RNF130: variants seen among roughly 807,000 people sequenced by gnomAD.
RNF130 encodes ring finger protein 130, also known as E3 ubiquitin-protein ligase RNF130.
RNF130 carries 21 observed loss-of-function variants against 44.6 expected under a neutral mutation model. The ratio of observed to expected loss-of-function variants is 0.47; its 90% CI spans 0.33 to 0.68. The LOEUF is 0.68. Among genes scored for constraint, RNF130 ranks in the 30% least tolerant of loss-of-function variants. The pLI, the probability that RNF130 is intolerant of heterozygous loss-of-function variation, is 0.02. For missense variants in RNF130, 479 were observed against 560.6 expected (o/e 0.85, Z 1.47); for synonymous variants, 214 against 210.4 (o/e 1.02, Z -0.15).
chr5:179,980,431 C>T, intron 3 of RNF130: 1 of 463,276 alleles, frequency 2.2e-6, no homozygotes, highest in Non-Finnish European at 3.9e-6. Context: ...AAATATAGAA[C>T]TATAGGTCTT....
At chr5:180,061,234 GA>G (rs1456449871) in intron 1 of RNF130, among the ~76,000 whole-genome samples, 3 of 152,106 alleles carry the variant, frequency 2.0e-5, no homozygotes. Context: ...GAAAACACTG[GA>G]AGTTTAATCA....
chr5:179,952,079 T>G (rs1354748066), downstream of RNF130, among the ~76,000 whole-genome samples: 1 of 152,142 alleles, frequency 6.6e-6, no homozygotes, highest in African/African-American at 2.4e-5. Flanking sequence ...AAGCCTGTAA[T>G]CTTACCACTT....
At chr5:179,913,346 G>T (rs1044275525) in exon 8 of RNF130, 1 of 150,658 alleles carries the variant, frequency 6.6e-6, no homozygotes, top group Admixed American at 6.6e-5. Flanking sequence ...GTTGCAGGAC[G>T]TTCAAAGGTG....
intron 3 of RNF130, among the ~76,000 whole-genome samples, chr5:180,007,255 G>A (rs917261558): frequency 6.6e-6 from 1 of 152,078 alleles, no homozygotes; most frequent in Non-Finnish European, 1.5e-5. Context: ...ACAAAAATTA[G>A]CCAGGCATGG....
At chr5:180,017,815 G>A (rs757075852) in intron 2 of RNF130, among the ~76,000 whole-genome samples, 77 of 152,174 alleles carry the variant, frequency 5.1e-4, no homozygotes, top group Admixed American at 1.5e-3. Context: ...CTCCGGAATC[G>A]GAGGGTCTAG....
At chr5:179,980,893 C>G (rs1388524333) in intron 3 of RNF130, among the ~76,000 whole-genome samples, 1 of 152,168 alleles carries the variant, frequency 6.6e-6, no homozygotes, top group East Asian at 1.9e-4. Context: ...GATGGTGATC[C>G]CTACCCTGGA....
chr5:180,071,469 C>G lies in RNF130; in HGVS notation c.234G>C (p.Leu78=). ...GCCGGCACTCACCTCCGTGGAGGGGCAGCGGCGCCAGCACCTGGCCGCGGA... is the reference window on the plus strand; with the variant it reads ...GCCGGCACTCACCTCCGTGGAGGGGGAGCGGCGCCAGCACCTGGCCGCGGA... The part of the protein sequence containing the change: ...AEVRGQVLAP[L]PLHGVADHLG... Residue 78 remains leucine (L), a synonymous_variant, in exon 1 of 9, where the codon CTG becomes CTC. Coordinates refer to ENST00000521389, the MANE Select transcript of RNF130 (RefSeq NM_018434.6). 4 of 1,245,866 alleles carry G rather than the reference C, an allele frequency of 3.2e-6. No homozygotes were observed. Among genetic ancestry groups the G allele is most frequent in the Non-Finnish European group, 3.0e-6 (3 of 993,232 alleles). 77.2% of individuals were successfully genotyped at this position (1,245,866 alleles called of 1,614,324 possible). A position where few individuals can be genotyped will look rare whatever the true frequency, so the allele number is the denominator to read the frequency against.
intron 8 of RNF130, among the ~76,000 whole-genome samples, chr5:179,962,014 A>G (rs527442468): frequency 2.0e-5 from 3 of 152,346 alleles, no homozygotes; most frequent in Admixed American, 6.5e-5. Context: ...GAATGACTAC[A>G]AGGAGCTTCA....
At chr5:180,041,177 T>G (rs961635396) in intron 1 of RNF130, among the ~76,000 whole-genome samples, 4 of 152,240 alleles carry the variant, frequency 2.6e-5, no homozygotes, top group African/African-American at 9.6e-5. Context: ...TAGAGCAAAT[T>G]TCTTCATAAA....
intron 7 of RNF130, among the ~76,000 whole-genome samples, chr5:179,927,138 A>G (rs569395980): frequency 3.6e-4 from 55 of 152,324 alleles, no homozygotes; most frequent in African/African-American, 1.3e-3. Context: ...CAATAAGAAA[A>G]TGGGTCAGAA....
At chr5:180,051,319 G>A (rs533853600) in intron 1 of RNF130, among the ~76,000 whole-genome samples, 15 of 151,418 alleles carry the variant, frequency 9.9e-5, no homozygotes, top group South Asian at 4.2e-4. Flanking sequence ...GTGCGATCTC[G>A]GCTCACTGCA....
intron 1 of RNF130, among the ~76,000 whole-genome samples, chr5:180,056,614 T>C (rs1302889096): frequency 2.0e-5 from 3 of 152,150 alleles, no homozygotes; most frequent in Non-Finnish European, 4.4e-5. Flanking sequence ...GTTGGACACG[T>C]TGGGCTTGAA....
intron 5 of RNF130, 76 bp downstream of exon 5, chr5:179,978,127 G>T: frequency 5.5e-6 from 7 of 1,263,436 alleles, no homozygotes; most frequent in Non-Finnish European, 8.1e-6. Context: ...AAAAGCAAGG[G>T]AGATGCCCAC....
At chr5:180,069,336 G>C (rs989744212) in intron 1 of RNF130, among the ~76,000 whole-genome samples, 1 of 152,092 alleles carries the variant, frequency 6.6e-6, no homozygotes, top group Non-Finnish European at 1.5e-5. Context: ...ATATTTGCTG[G>C]ACTGAAAAAC....
chr5:179,929,865 C>A (rs557952981), intron 7 of RNF130, among the ~76,000 whole-genome samples: 43 of 152,242 alleles, frequency 2.8e-4, no homozygotes, highest in Middle Eastern at 3.4e-3. Context: ...AGAGCTAACA[C>A]CTCCATAGTA....
chr5:179,945,934 T>TGGGGGC (rs1554100598), intron 7 of RNF130, among the ~76,000 whole-genome samples: 7 of 51,974 alleles, frequency 1.3e-4, no homozygotes, highest in Non-Finnish European at 1.2e-4. Context: ...GATATTTAAA[T>TGGGGGC]GGGGGCGGGG....
At chr5:180,040,684 T>C in intron 1 of RNF130, 37 bp from the exon 2 acceptor site, 2 of 1,572,146 alleles carry the variant, frequency 1.3e-6, no homozygotes, top group Non-Finnish European at 1.7e-6. Context: ...TAAAGATAAA[T>C]AAAACTGACC....
intron 3 of RNF130, among the ~76,000 whole-genome samples, chr5:179,984,473 C>T (rs767794439): frequency 6.6e-5 from 10 of 152,280 alleles, no homozygotes; most frequent in Admixed American, 2.0e-4. Context: ...CGATGTTGGA[C>T]TTCGGCAAAT....
chr5:180,023,117 T>C (rs998024749), intron 2 of RNF130, among the ~76,000 whole-genome samples: 1 of 152,186 alleles, frequency 6.6e-6, no homozygotes, highest in African/African-American at 2.4e-5. Flanking sequence ...AGTTTAGTGA[T>C]AAGAAAGGAG....
Sources: gnomAD v4.1 joint callset for allele counts (sites outside exome capture counted in the v4.1 genomes callset) on GRCh38, gnomAD v4.1.1 for gene constraint, MANE v1.5 for transcripts, NCBI Gene and HGNC (gene_info 2026-07-23, HGNC 2026-07-21) for gene names.